COLQ: variants seen among roughly 807,000 people sequenced by gnomAD.
The protein encoded by COLQ is acetylcholinesterase collagenic tail peptide.
COLQ carries 48 observed loss-of-function variants against 69.0 expected under a neutral mutation model. The ratio of observed to expected loss-of-function variants is 0.70; its 90% CI spans 0.55 to 0.88. The LOEUF (loss-of-function observed/expected upper bound fraction) is 0.88. COLQ is among the 40% of genes least tolerant of loss of function. The pLI is 0.00. For synonymous variants in COLQ, 217 were observed against 211.2 expected (o/e 1.03, Z -0.24); for missense variants, 618 against 594.6 (o/e 1.04, Z -0.41).
At chr3:15,465,240 A>T (rs1006289586) in intron 12 of COLQ, among the ~76,000 whole-genome samples, 2 of 119,120 alleles carry the variant, frequency 1.7e-5, no homozygotes, top group East Asian at 2.1e-4. Flanking sequence ...ATTTTGATTT[A>T]TTTATTTATT....
chr3:15,475,947 T>C (rs557775386), intron 6 of COLQ, among the ~76,000 whole-genome samples: 3 of 152,194 alleles, frequency 2.0e-5, no homozygotes, highest in Non-Finnish European at 4.4e-5. Flanking sequence ...AAAAATACTC[T>C]ATACCAGCAC....
chr3:15,507,918 G>T (rs2062933414), intron 1 of COLQ, among the ~76,000 whole-genome samples: 1 of 151,732 alleles, frequency 6.6e-6, no homozygotes, highest in African/African-American at 2.4e-5. Context: ...TTATTATATG[G>T]CTTGCAAATA....
Position 15,482,745 on chromosome 3 carries a change from C to T in COLQ, c.322-3363G>A, listed in dbSNP as rs183275471. Among the ~76,000 whole-genome samples, 1,115 of 152,282 alleles carry T rather than the reference C, an allele frequency of 7.3e-3. 39 individuals carry two copies. Among genetic ancestry groups the T allele is most frequent in the Admixed American group, 0.065 (997 of 15,290 alleles). On this transcript the variant is annotated intron_variant, in intron 3 of 16. Transcript: ENST00000383788. The stretch of plus-strand genomic sequence containing the variant: ...CTCATAAAATGAGTTAGGGAGGATT[C>T]CCTCTTTTTCTGTTGATTGGAATCG...
intron 1 of COLQ, among the ~76,000 whole-genome samples, chr3:15,497,625 GT>G (rs1288821423): frequency 6.6e-6 from 1 of 152,172 alleles, no homozygotes; most frequent in African/African-American, 2.4e-5. Context: ...TGCCTGTCCA[GT>G]TGGTGGACTA....
chr3:15,457,960 T>C (rs2062048578), intron 13 of COLQ, among the ~76,000 whole-genome samples: 1 of 152,154 alleles, frequency 6.6e-6, no homozygotes, highest in Non-Finnish European at 1.5e-5. Flanking sequence ...ATATAAAAGT[T>C]AGATTTTAAT....
chr3:15,474,195 T>G (rs1458634006), intron 9 of COLQ, 33 bp downstream of exon 9: 1 of 1,613,368 alleles, frequency 6.2e-7, no homozygotes, highest in Admixed American at 1.7e-5. Context: ...GCACTGACAT[T>G]TATCATTTCT....
chr3:15,492,387 C>CCGGG (rs2062681999), intron 1 of COLQ, among the ~76,000 whole-genome samples: 1 of 152,204 alleles, frequency 6.6e-6, no homozygotes, highest in Non-Finnish European at 1.5e-5. Flanking sequence ...CTGCATAAGG[C>CCGGG]CGGGCACAGT....
rs945904077 is a variant in COLQ at position 15,489,469 on chromosome 3, G to C, written c.219+56C>G. On this transcript the variant is annotated intron_variant, in intron 2 of 16. Coordinates refer to ENST00000383788, the MANE Select transcript of COLQ (RefSeq NM_005677.4). ...GTGGGGCAGGCAGGTGGGGCTGCGT[G>C]GTGTGCACTGAGTAGCCTGCACTTT... is the stretch of plus-strand genomic sequence containing the variant. 8 of 1,515,446 alleles carry C rather than the reference G, an allele frequency of 5.3e-6. No homozygotes were observed. In the Admixed American group the frequency reaches 8.4e-5, roughly 16 times the overall value. 93.9% of individuals were successfully genotyped at this position (1,515,446 alleles called of 1,614,324 possible).
At chr3:15,490,434 C>A (rs559262409) in intron 1 of COLQ, among the ~76,000 whole-genome samples, 5 of 152,340 alleles carry the variant, frequency 3.3e-5, no homozygotes, top group East Asian at 1.9e-4. Flanking sequence ...AAGCTCCAAT[C>A]TCTGCACCCC....
chr3:15,513,724 C>T (rs950960073), intron 1 of COLQ, among the ~76,000 whole-genome samples: 19 of 152,200 alleles, frequency 1.2e-4, no homozygotes, highest in African/African-American at 4.1e-4. Flanking sequence ...GTACACACCA[C>T]GGTGCCTTTG....
intron 11 of COLQ, among the ~76,000 whole-genome samples, chr3:15,469,155 C>T (rs968984668): frequency 7.2e-5 from 11 of 152,188 alleles, no homozygotes; most frequent in Non-Finnish European, 1.3e-4. Context: ...AAAGCTTGGG[C>T]TCTTTTCTCT....
chr3:15,499,790 G>C (rs1480242842), intron 1 of COLQ, among the ~76,000 whole-genome samples: 6 of 152,156 alleles, frequency 3.9e-5, no homozygotes, highest in Non-Finnish European at 8.8e-5. Flanking sequence ...ATCCAAGTTG[G>C]GCTTAAGTCC....
chr3:15,456,621 T>A (rs200349012), intron 13 of COLQ, 42 bp from the exon 14 acceptor site: 1 of 1,610,902 alleles, frequency 6.2e-7, no homozygotes, highest in East Asian at 2.2e-5. Context: ...AAAACACTTC[T>A]GCAGGGGGCA....
intron 15 of COLQ, among the ~76,000 whole-genome samples, chr3:15,455,187 A>C (rs1409715875): frequency 6.6e-6 from 1 of 152,196 alleles, no homozygotes; most frequent in African/African-American, 2.4e-5. Context: ...TTTTACAGGC[A>C]AGGAAAGTGA....
rs140853320 is a variant in COLQ at position 15,503,755 on chromosome 3, G to A, written c.107-14118C>T. Among the ~76,000 whole-genome samples the A allele has an allele frequency of 7.5e-3, 1,145 of 152,182 alleles. 20 individuals carry two copies. Among genetic ancestry groups the A allele is most frequent in the African/African-American group, 0.025 (1,057 of 41,502 alleles). On this transcript the variant is annotated intron_variant, in intron 1 of 16. Transcript: ENST00000383788. ...GGTCAAACACAACCAGTAGGCAGTA[G>A]GCCAGGATTGAATCTGGATGTCTGA...
rs138157007 is a variant in COLQ, at chr3:15,456,918, G to A, written c.955-339C>T. 0.061 allele frequency among the ~76,000 whole-genome samples: 9,286 copies of A among 152,002 alleles called. 412 individuals carry two copies. Among genetic ancestry groups the A allele is most frequent in the Admixed American group, 0.14 (2,121 of 15,262 alleles). ...GCTCATTGCAACCTCTGCCTCCCGGGTTCAAGCAATTCTCCTGCCTCAGCC... is the reference window on the plus strand; with the variant it reads ...GCTCATTGCAACCTCTGCCTCCCGGATTCAAGCAATTCTCCTGCCTCAGCC... On this transcript the variant is annotated intron_variant, in intron 13 of 16. Transcript: ENST00000383788.
In COLQ at chr3:15,453,899, G is replaced by T. The variant is rs139574075; in HGVS notation, c.1228C>A (p.Arg410=). The T allele has an allele frequency of 1.9e-6, 3 of 1,611,068 alleles. No homozygotes were observed. The highest frequency in any genetic ancestry group is 1.7e-6 in the Non-Finnish European group (2 of 1,178,610). ...CHRAYCGDGH[R]HEGVEDCDGS... ...TCACAGTCCTCCACACCCTCATGCC[G>T]GTGACCATCTCCACAGTAGGCACGG... The change falls in exon 16 of 17, where the codon CGG becomes AGG. Residue 410 remains arginine, a synonymous_variant. Transcript: ENST00000383788.
At chr3:15,490,768 C>T (rs532150854) in intron 1 of COLQ, among the ~76,000 whole-genome samples, 24 of 152,376 alleles carry the variant, frequency 1.6e-4, no homozygotes, top group African/African-American at 4.1e-4. Flanking sequence ...AACTATCACA[C>T]ATTAGCTGGC....
At chr3:15,454,701 C>G (rs2062001832) in intron 15 of COLQ, among the ~76,000 whole-genome samples, 2 of 149,552 alleles carry the variant, frequency 1.3e-5, no homozygotes, top group South Asian at 4.2e-4. Flanking sequence ...TGTTTCCCAG[C>G]CTGGAGTGCA....
Sources: gnomAD v4.1 joint callset for allele counts (sites outside exome capture counted in the v4.1 genomes callset) on GRCh38, gnomAD v4.1.1 for gene constraint, MANE v1.5 for transcripts, NCBI Gene and HGNC (gene_info 2026-07-23, HGNC 2026-07-21) for gene names.